The following CHCHD3 variants were observed in gnomAD, a reference collection of about 807,000 sequenced individuals.
CHCHD3 encodes coiled-coil-helix-coiled-coil-helix domain containing 3.
A neutral mutation model predicts 38.2 loss-of-function variants in CHCHD3; 20 were observed. That is an observed-to-expected ratio of 0.52 (90% CI 0.37 to 0.76). The LOEUF (loss-of-function observed/expected upper bound fraction) is 0.76, where lower values mean the gene tolerates loss of function less well. CHCHD3 is among the 30% of genes least tolerant of loss of function. The probability of loss-of-function intolerance (pLI) is 0.00; values close to 1 mark genes in which losing one functional copy is unlikely to be tolerated. For missense variants in CHCHD3, 245 were observed against 279.2 expected (o/e 0.88, Z 0.87); for synonymous variants, 82 against 100.0 (o/e 0.82, Z 1.07).
intron 3 of CHCHD3, among the ~76,000 whole-genome samples, chr7:132,987,913 A>G (rs1812165223): frequency 6.6e-6 from 1 of 152,148 alleles, no homozygotes; most frequent in Non-Finnish European, 1.5e-5. Context: ...ATGATTATCT[A>G]CTTACACTTA....
intron 4 of CHCHD3, among the ~76,000 whole-genome samples, chr7:132,974,216 G>A (rs1275976138): frequency 2.0e-5 from 3 of 152,092 alleles, no homozygotes; most frequent in Non-Finnish European, 2.9e-5. Flanking sequence ...AAATAATCTC[G>A]AGGAAAACAC....
rs533369187 is a variant in CHCHD3 at position 132,920,242 on chromosome 7, G to A, written c.370-34497C>T. ...ATCCATTCATTACTCATTTTCTGTC[G>A]CTACTTTCACGCTACAATGACAGAG... On this transcript the variant is annotated intron_variant, in intron 4 of 7. Coordinates refer to ENST00000262570, the MANE Select transcript of CHCHD3 (RefSeq NM_017812.4). Among the ~76,000 whole-genome samples, 3 of 152,158 alleles carry A rather than the reference G, an allele frequency of 2.0e-5. No homozygotes were observed. The East Asian group carries it at 5.8e-4, about 29-fold the overall frequency.
At chr7:133,006,879 G>A (rs1812715868) in intron 3 of CHCHD3, among the ~76,000 whole-genome samples, 2 of 152,072 alleles carry the variant, frequency 1.3e-5, no homozygotes, top group Admixed American at 1.3e-4. Flanking sequence ...TATATGTACT[G>A]ACAACATATT....
chr7:132,931,106 G>A (rs1810503928), intron 4 of CHCHD3, among the ~76,000 whole-genome samples: 1 of 152,212 alleles, frequency 6.6e-6, no homozygotes, highest in South Asian at 2.1e-4. Flanking sequence ...AACTCCAGAA[G>A]TGGAGTAACA....
chr7:132,844,871 G>A (rs1808035830), intron 5 of CHCHD3, among the ~76,000 whole-genome samples: 1 of 152,178 alleles, frequency 6.6e-6, no homozygotes, highest in Non-Finnish European at 1.5e-5. Context: ...AGGCATCATT[G>A]GAAACAATAG....
intron 5 of CHCHD3, among the ~76,000 whole-genome samples, chr7:132,865,541 G>A (rs1048255240): frequency 2.0e-5 from 3 of 152,138 alleles, no homozygotes; most frequent in South Asian, 2.1e-4. Context: ...AGATCCATCC[G>A]TGGCCGACTG....
At chr7:132,991,708 G>C (rs1812288747) in intron 3 of CHCHD3, among the ~76,000 whole-genome samples, 1 of 151,840 alleles carries the variant, frequency 6.6e-6, no homozygotes, top group Non-Finnish European at 1.5e-5. Flanking sequence ...CCAATTCTGA[G>C]CTAAGAGTTC....
At chr7:132,834,523 C>CA (rs1335884595) in intron 6 of CHCHD3, among the ~76,000 whole-genome samples, 2 of 152,162 alleles carry the variant, frequency 1.3e-5, no homozygotes, top group African/African-American at 4.8e-5. Flanking sequence ...GACACATCAA[C>CA]AGCAAGTTTG....
At chr7:132,864,539 A>C (rs548026385) in intron 5 of CHCHD3, among the ~76,000 whole-genome samples, 17 of 152,300 alleles carry the variant, frequency 1.1e-4, no homozygotes, top group African/African-American at 3.1e-4. Flanking sequence ...CTTTGGGAAA[A>C]ATGGCACTAA....
chr7:132,955,025 G>A lies in CHCHD3; in HGVS notation c.369+20144C>T, dbSNP rs1230238857. Among the ~76,000 whole-genome samples, 6 of 152,282 alleles carry A rather than the reference G, an allele frequency of 3.9e-5. No homozygotes were observed. In the South Asian group the frequency reaches 6.2e-4, roughly 16 times the overall value. ...TGCAAAGTGGGAAGCCATCAAAAAC[G>A]GTAACTGCAACTGGGGAAGAGTCAG... is the stretch of plus-strand genomic sequence containing the variant. On this transcript the variant is annotated intron_variant, in intron 4 of 7. Coordinates refer to ENST00000262570, the MANE Select transcript of CHCHD3 (RefSeq NM_017812.4).
chr7:132,824,998 A>G (rs1807472845), intron 6 of CHCHD3, among the ~76,000 whole-genome samples: 1 of 152,216 alleles, frequency 6.6e-6, no homozygotes, highest in Non-Finnish European at 1.5e-5. Context: ...TGGAATGTAT[A>G]AGATACTCAA....
chr7:132,975,925 TAAA>T (rs11417082), intron 3 of CHCHD3, among the ~76,000 whole-genome samples: 1 of 140,460 alleles, frequency 7.1e-6, no homozygotes, highest in Non-Finnish European at 1.5e-5. Flanking sequence ...AGACTCCGTT[TAAA>T]AAAAAAAAAA....
At chr7:133,060,049 G>C (rs1445235438) in intron 2 of CHCHD3, among the ~76,000 whole-genome samples, 1 of 152,154 alleles carries the variant, frequency 6.6e-6, no homozygotes, top group African/African-American at 2.4e-5. Context: ...GTACTAAAGA[G>C]AATTAGTAAC....
chr7:133,012,317 C>G (rs1812897941), intron 3 of CHCHD3, among the ~76,000 whole-genome samples: 1 of 152,146 alleles, frequency 6.6e-6, no homozygotes, highest in Non-Finnish European at 1.5e-5. Context: ...CACCATTTGA[C>G]AGTATTTTGA....
intron 6 of CHCHD3, among the ~76,000 whole-genome samples, chr7:132,835,437 AC>A (rs1807755168): frequency 6.6e-6 from 1 of 152,186 alleles, no homozygotes; most frequent in African/African-American, 2.4e-5. Flanking sequence ...AATAGGTAAG[AC>A]AGAATGATGC....
intron 2 of CHCHD3, among the ~76,000 whole-genome samples, chr7:133,067,669 G>C (rs899621217): frequency 6.6e-6 from 1 of 152,184 alleles, no homozygotes; most frequent in South Asian, 2.1e-4. Flanking sequence ...GTTTCTGCAC[G>C]ACAAGGCATC....
intron 6 of CHCHD3, among the ~76,000 whole-genome samples, chr7:132,812,200 CTTTTTTTTTT>C (rs71529779): frequency 2.5e-5 from 2 of 81,074 alleles, no homozygotes; most frequent in African/African-American, 8.9e-5. Flanking sequence ...TTTTTCTTTT[CTTTTTTTTTT>C]TTTTTTTTTT....
chr7:132,893,109 G>A (rs1209535933), intron 4 of CHCHD3, among the ~76,000 whole-genome samples: 1 of 152,162 alleles, frequency 6.6e-6, no homozygotes, highest in East Asian at 1.9e-4. Context: ...ACCTGGAAAC[G>A]TCACAGGCAC....
At chr7:133,053,416 C>T (rs1814225843) in intron 2 of CHCHD3, among the ~76,000 whole-genome samples, 1 of 152,208 alleles carries the variant, frequency 6.6e-6, no homozygotes, top group Non-Finnish European at 1.5e-5. Flanking sequence ...CTAGTGAGCA[C>T]TCAAATTTAT....
Sources: allele counts gnomAD v4.1 joint callset (sites outside exome capture counted in the v4.1 genomes callset), GRCh38; gene constraint gnomAD v4.1.1; transcripts MANE v1.5; gene names NCBI Gene and HGNC (gene_info 2026-07-23, HGNC 2026-07-21).